The following GPC3 variants were observed in gnomAD, a reference collection of about 807,000 sequenced individuals.
GPC3 encodes glypican-3.
Under a neutral mutation model 34.4 loss-of-function variants are expected in GPC3, and 3 were observed. That is an observed-to-expected ratio of 0.09 (90% CI 0.04 to 0.23). The LOEUF (loss-of-function observed/expected upper bound fraction) is 0.23, where lower values mean the gene tolerates loss of function less well. Among genes scored for constraint, GPC3 ranks in the 10% least tolerant of loss-of-function variants. GPC3 has a pLI of 1.00. For missense variants in GPC3, 351 were observed against 445.6 expected, an observed-to-expected ratio of 0.79 and a Z score of 1.91; for synonymous variants, 177 against 174.0, an observed-to-expected ratio of 1.02 and a Z score of -0.13.
chrX:133,739,485 G>A (rs1420944306), intron 3 of GPC3, among the ~76,000 whole-genome samples: 4 of 111,464 alleles, frequency 3.6e-5, no homozygotes, highest in Non-Finnish European at 7.5e-5. Flanking sequence ...TTCTATAGTT[G>A]AAGCAACCAA....
At chrX:133,923,553 T>C (rs2076261580) in intron 2 of GPC3, among the ~76,000 whole-genome samples, 1 of 111,664 alleles carries the variant, frequency 9.0e-6, no homozygotes, top group Non-Finnish European at 1.9e-5. Context: ...CAGCCATTAG[T>C]CAAGGCTGAG....
chrX:133,711,384 C>T (rs971763783), intron 3 of GPC3, among the ~76,000 whole-genome samples: 1 of 111,887 alleles, frequency 8.9e-6, no homozygotes, highest in African/African-American at 3.2e-5. Context: ...AAATAAGCAG[C>T]ATCAATACCA....
chrX:133,742,398 A>G (rs1319519093), intron 3 of GPC3, among the ~76,000 whole-genome samples: 1 of 111,614 alleles, frequency 9.0e-6, no homozygotes, highest in Non-Finnish European at 1.9e-5. Context: ...TTCTGGAAGC[A>G]TAAGAGAAAC....
At chrX:133,872,451 A>T (rs141257336) in intron 2 of GPC3, among the ~76,000 whole-genome samples, 44 of 111,794 alleles carry the variant, frequency 3.9e-4, no homozygotes, top group Middle Eastern at 9.2e-3. Flanking sequence ...TGTGGAGCTC[A>T]AACTGTTCAT....
intron 3 of GPC3, among the ~76,000 whole-genome samples, chrX:133,720,907 G>A: frequency 9.1e-6 from 1 of 109,753 alleles, no homozygotes; most frequent in Non-Finnish European, 1.9e-5. Flanking sequence ...AGGGGGGTAA[G>A]GAATAAAATA....
At chrX:133,648,433 G>A (rs148121819) in intron 6 of GPC3, among the ~76,000 whole-genome samples, 92 of 111,633 alleles carry the variant, frequency 8.2e-4, no homozygotes, top group African/African-American at 2.8e-3. Context: ...GAAGGGTAAT[G>A]AATTTGAATA....
intron 7 of GPC3, among the ~76,000 whole-genome samples, chrX:133,562,060 G>T (rs1401414265): frequency 8.9e-6 from 1 of 112,112 alleles, no homozygotes; most frequent in African/African-American, 3.2e-5. Flanking sequence ...AACATAGAAG[G>T]CTTTCAAGCC....
intron 7 of GPC3, among the ~76,000 whole-genome samples, chrX:133,564,249 T>G (rs2069564254): frequency 1.8e-5 from 2 of 111,649 alleles, no homozygotes. Context: ...CTTGATGTCA[T>G]TTTCATTATA....
In GPC3 at chrX:133,536,063, C is replaced by T; in HGVS notation, c.*61G>A. 2.3e-6 allele frequency: 2 copies of T among 879,912 alleles called. No individual in the cohort carries two copies. The highest frequency in any genetic ancestry group is 3.3e-6 in the Non-Finnish European group (2 of 607,983). The allele number at this position is 879,912 out of a possible 1,213,427, so 72.5% of individuals were successfully genotyped here. On this transcript the variant is annotated 3_prime_UTR_variant, in exon 8 of 8. Transcript: ENST00000370818. ...AATAGAAAAAAATAAGAAAGTGGTT[C>T]CCTTTATCGAGGAAGACCACAGGGT...
intron 6 of GPC3, among the ~76,000 whole-genome samples, chrX:133,608,545 A>G (rs902630910): frequency 8.9e-6 from 1 of 112,225 alleles, no homozygotes; most frequent in Non-Finnish European, 1.9e-5. Flanking sequence ...TTCATTCCAA[A>G]TAGACATCTT....
intron 2 of GPC3, chrX:133,763,633 TC>T: frequency 1.3e-6 from 1 of 796,454 alleles, no homozygotes; most frequent in Non-Finnish European, 1.9e-6. Context: ...GTCTGCCGCT[TC>T]CACTGCTCAG....
Position 133,935,489 on chromosome X carries a change from AGCC to A in GPC3, c.337+17558_337+17560del, listed in dbSNP as rs2076319649. On this transcript the variant is annotated intron_variant, in intron 2 of 7. Coordinates refer to ENST00000370818, the MANE Select transcript of GPC3 (RefSeq NM_004484.4). The stretch of plus-strand genomic sequence containing the variant: ...CTTCTCTCTCTGACCTCCCACTGCC[AGCC>A]GCCCACTCCCCCATCCATTCTACCC... Among the ~76,000 whole-genome samples, 3 of 110,916 alleles carry A rather than the reference AGCC, an allele frequency of 2.7e-5. No homozygotes were observed. The South Asian group carries it at 1.2e-3, about 44-fold the overall frequency.
chrX:133,599,842 A>G (rs1460177155), intron 6 of GPC3, among the ~76,000 whole-genome samples: 1 of 111,912 alleles, frequency 8.9e-6, no homozygotes, highest in Non-Finnish European at 1.9e-5. Context: ...TGTCCCTTTC[A>G]TTAACACCTT....
At chrX:133,578,132 C>T (rs1256026583) in intron 7 of GPC3, among the ~76,000 whole-genome samples, 1 of 112,103 alleles carries the variant, frequency 8.9e-6, no homozygotes, top group Non-Finnish European at 1.9e-5. Flanking sequence ...TGTGCCAACC[C>T]TATCATTACC....
At chrX:133,620,219 CAAA>C (rs34399470) in intron 6 of GPC3, among the ~76,000 whole-genome samples, 7 of 41,920 alleles carry the variant, frequency 1.7e-4, no homozygotes, top group African/African-American at 1.6e-4. Flanking sequence ...GACTCTGTCT[CAAA>C]AAAAAAAAAA....
intron 7 of GPC3, among the ~76,000 whole-genome samples, chrX:133,545,723 T>A (rs1395566471): frequency 4.5e-5 from 5 of 111,419 alleles, no homozygotes; most frequent in Non-Finnish European, 9.4e-5. Flanking sequence ...AATGGCCTTT[T>A]AAAATACTAT....
intron 6 of GPC3, among the ~76,000 whole-genome samples, chrX:133,641,970 G>C (rs2070485743): frequency 8.9e-6 from 1 of 111,783 alleles, no homozygotes; most frequent in Non-Finnish European, 1.9e-5. Context: ...TTATTCTATA[G>C]AGCCTGCATG....
intron 2 of GPC3, among the ~76,000 whole-genome samples, chrX:133,791,886 C>CT (rs747084452): frequency 2.5e-3 from 196 of 78,276 alleles, no homozygotes; most frequent in Middle Eastern, 5.9e-3. Flanking sequence ...TTCTTTCTTT[C>CT]TTTTTTTTTT....
At chrX:133,897,631 G>A (rs2076124019) in intron 2 of GPC3, among the ~76,000 whole-genome samples, 1 of 110,705 alleles carries the variant, frequency 9.0e-6, no homozygotes, top group African/African-American at 3.3e-5. Flanking sequence ...GGAGAGATGA[G>A]GTAGTCTCTC....
Sources: allele counts gnomAD v4.1 joint callset (sites outside exome capture counted in the v4.1 genomes callset), GRCh38; gene constraint gnomAD v4.1.1; transcripts MANE v1.5; gene names NCBI Gene and HGNC (gene_info 2026-07-23, HGNC 2026-07-21).